Variants in ZCCHC17 observed in about 807,000 individuals in gnomAD.
The protein encoded by ZCCHC17 is zinc finger CCHC domain-containing protein 17.
Under a neutral mutation model 30.6 loss-of-function variants are expected in ZCCHC17, and 18 were observed. The observed-to-expected ratio is 0.59, with a 90% CI of 0.41 to 0.87. The LOEUF is 0.87. ZCCHC17 is among the 40% of genes least tolerant of loss of function. The pLI is 0.00. For synonymous variants in ZCCHC17, 88 were observed against 92.4 expected, an observed-to-expected ratio of 0.95 and a Z score of 0.27; for missense variants, 263 against 284.2, an observed-to-expected ratio of 0.93 and a Z score of 0.54.
intron 7 of ZCCHC17, among the ~76,000 whole-genome samples, chr1:31,362,470 T>C (rs1443046495): frequency 6.6e-6 from 1 of 152,230 alleles, no homozygotes; most frequent in Admixed American, 6.5e-5. Flanking sequence ...ACTGCCCCAT[T>C]AGACACCTGG....
intron 3 of ZCCHC17, among the ~76,000 whole-genome samples, chr1:31,332,425 G>A (rs763281180): frequency 1.1e-4 from 17 of 152,002 alleles, no homozygotes; most frequent in South Asian, 4.1e-4. Context: ...CCTGTACCCC[G>A]TTATAACTAT....
At chr1:31,330,171 G>A (rs992233933) in intron 3 of ZCCHC17, among the ~76,000 whole-genome samples, 20 of 152,202 alleles carry the variant, frequency 1.3e-4, no homozygotes, top group Non-Finnish European at 2.6e-4. Flanking sequence ...TTTATTGCCA[G>A]TGGAAGTTGT....
At chr1:31,342,359 C>T (rs1322282001) in intron 5 of ZCCHC17, among the ~76,000 whole-genome samples, 1 of 152,158 alleles carries the variant, frequency 6.6e-6, no homozygotes, top group East Asian at 1.9e-4. Flanking sequence ...TTAGTACTTT[C>T]ATTTACTCAT....
intron 1 of ZCCHC17, among the ~76,000 whole-genome samples, chr1:31,301,385 A>C (rs1016285131): frequency 6.6e-6 from 1 of 152,222 alleles, no homozygotes; most frequent in Non-Finnish European, 1.5e-5. Flanking sequence ...GAGCGAGTTT[A>C]CTTAGCTTCT....
chr1:31,300,362 C>T (rs373702520), intron 1 of ZCCHC17, among the ~76,000 whole-genome samples: 4 of 152,158 alleles, frequency 2.6e-5, no homozygotes, highest in African/African-American at 9.7e-5. Flanking sequence ...GCCTGGCCCC[C>T]AAGCTTCTGC....
chr1:31,364,493 G>A lies in ZCCHC17; in HGVS notation c.*300G>A. On this transcript the variant is annotated 3_prime_UTR_variant, in exon 8 of 8. Coordinates refer to ENST00000344147, the MANE Select transcript of ZCCHC17 (RefSeq NM_016505.4). ...GGAGGTCCTATTACCCTCTCCAGCTGCCACTGCCAGAGCTGGATTCCTGTA... is the reference window on the plus strand; with the variant it reads ...GGAGGTCCTATTACCCTCTCCAGCTACCACTGCCAGAGCTGGATTCCTGTA... 2.7e-6 allele frequency: 1 copy of A among 375,790 alleles called. No homozygotes were observed. 23.3% of individuals were successfully genotyped at this position (375,790 alleles called of 1,614,324 possible). A position where few individuals can be genotyped will look rare whatever the true frequency, so the allele number is the denominator to read the frequency against.
chr1:31,340,071 C>A (rs1371789007), intron 5 of ZCCHC17, among the ~76,000 whole-genome samples: 2 of 150,624 alleles, frequency 1.3e-5, no homozygotes, highest in East Asian at 3.9e-4. Flanking sequence ...ATCCTCCCAC[C>A]TCAGCCTACC....
At chr1:31,305,241 C>A (rs1466583893) in intron 1 of ZCCHC17, among the ~76,000 whole-genome samples, 2 of 151,914 alleles carry the variant, frequency 1.3e-5, no homozygotes, top group African/African-American at 4.8e-5. Flanking sequence ...TGGTCTGGGA[C>A]CTTGTGGTGA....
rs577048605 is a variant in ZCCHC17 at position 31,337,475 on chromosome 1, A to G, written c.225+200A>G. Among the ~76,000 whole-genome samples the G allele has an allele frequency of 2.6e-5, 4 of 152,336 alleles. No individual in the cohort carries two copies. The East Asian group carries it at 5.8e-4, about 22-fold the overall frequency. ...CTCAGAAGGAATGATATGAGCTATA[A>G]AAGTGTGGTGCAATAAGTGCACGTT... On this transcript the variant is annotated intron_variant, in intron 4 of 7. Coordinates refer to ENST00000344147, the MANE Select transcript of ZCCHC17 (RefSeq NM_016505.4).
intron 7 of ZCCHC17, among the ~76,000 whole-genome samples, chr1:31,354,406 G>GT (rs572895904): frequency 1.3e-4 from 20 of 149,656 alleles, no homozygotes; most frequent in South Asian, 2.1e-4. Context: ...TGCAGATTTA[G>GT]TTTTTTTTTT....
intron 4 of ZCCHC17, 52 bp downstream of exon 4, chr1:31,337,327 G>A (rs1638861349): frequency 6.6e-7 from 1 of 1,511,096 alleles, no homozygotes; most frequent in African/African-American, 1.4e-5. Flanking sequence ...GAAGAGCTGG[G>A]ATTTTTGATA....
intron 1 of ZCCHC17, among the ~76,000 whole-genome samples, chr1:31,300,943 A>G (rs1413752189): frequency 6.6e-6 from 1 of 152,000 alleles, no homozygotes; most frequent in East Asian, 1.9e-4. Flanking sequence ...CAAAAAAAAA[A>G]AAAGAAAAAA....
chr1:31,331,644 G>A (rs917026732), intron 3 of ZCCHC17, among the ~76,000 whole-genome samples: 14 of 151,014 alleles, frequency 9.3e-5, no homozygotes, highest in African/African-American at 2.9e-4. Context: ...ATGGAGTCTC[G>A]CTCTGTTGCC....
intron 2 of ZCCHC17, among the ~76,000 whole-genome samples, chr1:31,312,730 G>A (rs139192027): frequency 4.3e-4 from 65 of 152,258 alleles, no homozygotes; most frequent in African/African-American, 1.5e-3. Context: ...CCAAAAAATT[G>A]TTTTCAGTGT....
At chr1:31,341,398 A>T (rs1239845407) in intron 5 of ZCCHC17, among the ~76,000 whole-genome samples, 1 of 152,204 alleles carries the variant, frequency 6.6e-6, no homozygotes, top group African/African-American at 2.4e-5. Flanking sequence ...TGGACTCATT[A>T]AAAAATAGTG....
chr1:31,300,337 G>A (rs990175193), intron 1 of ZCCHC17, among the ~76,000 whole-genome samples: 1 of 152,142 alleles, frequency 6.6e-6, no homozygotes, highest in Non-Finnish European at 1.5e-5. Context: ...TACGATTATA[G>A]GCATAAGCCA....
intron 3 of ZCCHC17, among the ~76,000 whole-genome samples, chr1:31,324,777 C>T (rs1638268937): frequency 2.0e-5 from 3 of 151,974 alleles, no homozygotes; most frequent in African/African-American, 7.3e-5. Flanking sequence ...TGCAGGTGCC[C>T]CTGGGCACAG....
At chr1:31,315,818 G>A (rs928040943) in intron 2 of ZCCHC17, among the ~76,000 whole-genome samples, 14 of 152,156 alleles carry the variant, frequency 9.2e-5, no homozygotes, top group Non-Finnish European at 1.8e-4. Context: ...GGGACACCAG[G>A]CAGACTGCGT....
chr1:31,302,396 G>A (rs1316775540), intron 1 of ZCCHC17, among the ~76,000 whole-genome samples: 1 of 152,030 alleles, frequency 6.6e-6, no homozygotes, highest in East Asian at 1.9e-4. Context: ...AAAAAACTGA[G>A]TACTTGTAGT....
Sources: gnomAD v4.1 joint callset for allele counts (sites outside exome capture counted in the v4.1 genomes callset) on GRCh38, gnomAD v4.1.1 for gene constraint, MANE v1.5 for transcripts, NCBI Gene and HGNC (gene_info 2026-07-23, HGNC 2026-07-21) for gene names.